The following CHSY3 variants were observed in gnomAD, a reference collection of about 807,000 sequenced individuals.
CHSY3 encodes chondroitin sulfate synthase 3, also known as N-acetylgalactosaminyl-proteoglycan 3-beta-glucuronosyltransferase 3.
A neutral mutation model predicts 67.2 loss-of-function variants in CHSY3; 35 were observed. That is an observed-to-expected ratio of 0.52 (90% confidence interval 0.40 to 0.69). The LOEUF is 0.69. Ranked by LOEUF, CHSY3 falls within the 30% of genes least tolerant of loss-of-function variation. The pLI, the probability that CHSY3 is intolerant of heterozygous loss-of-function variation, is 0.00. For synonymous variants in CHSY3, 474 were observed against 434.7 expected, an observed-to-expected ratio of 1.09 and a Z score of -1.12; for missense variants, 1,069 against 1,138.5, an observed-to-expected ratio of 0.94 and a Z score of 0.88.
intron 2 of CHSY3, among the ~76,000 whole-genome samples, chr5:130,085,674 CT>C (rs577165645): frequency 0.029 from 4,408 of 152,078 alleles, 98 homozygotes; most frequent in Non-Finnish European, 0.042. Flanking sequence ...TTTGCTCTTG[CT>C]TTTCTAGTGC....
At chr5:130,168,976 G>T (rs1769824680) in intron 2 of CHSY3, among the ~76,000 whole-genome samples, 2 of 152,062 alleles carry the variant, frequency 1.3e-5, no homozygotes, top group African/African-American at 4.8e-5. Context: ...GGAAATATTT[G>T]TAAATGAATG....
intron 2 of CHSY3, among the ~76,000 whole-genome samples, chr5:129,944,414 G>T (rs1469898997): frequency 2.0e-5 from 3 of 151,786 alleles, no homozygotes; most frequent in Non-Finnish European, 2.9e-5. Context: ...TTTTGAGTTG[G>T]AGTTTCGCTC....
chr5:130,013,419 G>A (rs1764124068), intron 2 of CHSY3, among the ~76,000 whole-genome samples: 1 of 152,186 alleles, frequency 6.6e-6, no homozygotes, highest in Admixed American at 6.5e-5. Context: ...GATTCTCCAT[G>A]AGGGCTCTGC....
At position 129,905,804 on chromosome 5, in the gene CHSY3, C is replaced by G. The variant is rs1311671912; in HGVS notation, c.802+173C>G. On this transcript the variant is annotated intron_variant, in intron 1 of 2. Transcript: ENST00000305031. ...CTTGCATCCGCCCACAATTCGTAGC[C>G]CGTTCCTCGTCTTCTGCAATCTGGA... 4 of 1,360,952 alleles carry G rather than the reference C, an allele frequency of 2.9e-6. No homozygotes were observed. The African/African-American group carries it at 4.4e-5, about 15-fold the overall frequency. The allele number at this position is 1,360,952 out of a possible 1,614,324, so 84.3% of individuals were successfully genotyped here.
At chr5:129,925,489 GT>G (rs1761072858) in intron 2 of CHSY3, among the ~76,000 whole-genome samples, 1 of 152,044 alleles carries the variant, frequency 6.6e-6, no homozygotes, top group South Asian at 2.1e-4. Flanking sequence ...GTACAACGTG[GT>G]TTTGATATAT....
chr5:130,012,462 A>C (rs1363131298), intron 2 of CHSY3, among the ~76,000 whole-genome samples: 1 of 152,152 alleles, frequency 6.6e-6, no homozygotes, highest in Non-Finnish European at 1.5e-5. Context: ...ACTGTGACTT[A>C]GACTAGGTAA....
intron 2 of CHSY3, among the ~76,000 whole-genome samples, chr5:129,959,790 C>T (rs75868678): frequency 0.015 from 2,262 of 152,030 alleles, 49 homozygotes; most frequent in African/African-American, 0.051. Flanking sequence ...TTTGCATGTT[C>T]ATTTTGTTAC....
At chr5:130,141,606 T>C in intron 2 of CHSY3, 1 of 506,742 alleles carries the variant, frequency 2.0e-6, no homozygotes, top group Non-Finnish European at 3.9e-6. Flanking sequence ...GAGCTGAAGA[T>C]GAGAAGCAGA....
intron 2 of CHSY3, among the ~76,000 whole-genome samples, chr5:130,155,562 C>G (rs947798944): frequency 3.3e-5 from 5 of 152,194 alleles, no homozygotes; most frequent in African/African-American, 1.2e-4. Flanking sequence ...TTGCATATCC[C>G]TATCCTCTAA....
chr5:130,133,307 A>G (rs1314153625), intron 2 of CHSY3, among the ~76,000 whole-genome samples: 1 of 152,130 alleles, frequency 6.6e-6, no homozygotes, highest in African/African-American at 2.4e-5. Context: ...TCTCCTAGTC[A>G]GACTTGGAAT....
At chr5:129,952,212 G>C (rs1441361872) in intron 2 of CHSY3, among the ~76,000 whole-genome samples, 1 of 152,138 alleles carries the variant, frequency 6.6e-6, no homozygotes, top group Non-Finnish European at 1.5e-5. Flanking sequence ...GTAGCTCTTA[G>C]AGCAATAAGC....
intron 2 of CHSY3, among the ~76,000 whole-genome samples, chr5:130,019,584 T>A (rs1363594511): frequency 1.3e-5 from 2 of 152,222 alleles, no homozygotes; most frequent in East Asian, 1.9e-4. Context: ...CTAATTAGTC[T>A]GCTATGTTTA....
rs561989815 is a variant in CHSY3, at chr5:130,174,329, CAA to C, written c.1087-9897_1087-9896del. 1.4e-3 allele frequency among the ~76,000 whole-genome samples: 217 copies of C among 151,176 alleles called. 1 individual carries two copies. The highest frequency in any genetic ancestry group is 4.5e-3 in the African/African-American group (184 of 41,296). ...AAAAAAAGTAGTAGCATAATGAAAA[CAA>C]AATAACTTTCAGATTGAAGTAACTT... On this transcript the variant is annotated intron_variant, in intron 2 of 2. Transcript: ENST00000305031.
chr5:130,083,140 C>A (rs2149687612), intron 2 of CHSY3, among the ~76,000 whole-genome samples: 1 of 152,092 alleles, frequency 6.6e-6, no homozygotes, highest in Middle Eastern at 3.4e-3. Flanking sequence ...ACATACTTTT[C>A]CAAGACCTGA....
intron 2 of CHSY3, among the ~76,000 whole-genome samples, chr5:129,946,386 T>C (rs1178151529): frequency 2.0e-5 from 3 of 152,158 alleles, no homozygotes. Context: ...TATTAGAAAG[T>C]TTAAAAAGTA....
intron 2 of CHSY3, among the ~76,000 whole-genome samples, chr5:130,135,511 A>G (rs1768632908): frequency 6.6e-6 from 1 of 152,110 alleles, no homozygotes; most frequent in Non-Finnish European, 1.5e-5. Context: ...TTATATTTTC[A>G]TTTGTTTAAT....
At chr5:129,991,083 T>C (rs577383806) in intron 2 of CHSY3, among the ~76,000 whole-genome samples, 6 of 152,110 alleles carry the variant, frequency 3.9e-5, no homozygotes, top group Admixed American at 1.3e-4. Context: ...CTGAGTAAAA[T>C]GAGAAGGGGT....
chr5:129,930,222 A>T (rs1328436624), intron 2 of CHSY3, among the ~76,000 whole-genome samples: 1 of 151,622 alleles, frequency 6.6e-6, no homozygotes, highest in East Asian at 1.9e-4. Context: ...AATCCCAGCT[A>T]CTCAGGAGGT....
intron 2 of CHSY3, among the ~76,000 whole-genome samples, chr5:130,161,825 G>C (rs756295276): frequency 6.6e-6 from 1 of 152,048 alleles, no homozygotes; most frequent in Non-Finnish European, 1.5e-5. Flanking sequence ...GATTGCTTGA[G>C]TCCAAGAGTT....
Sources: gnomAD v4.1 joint callset for allele counts (sites outside exome capture counted in the v4.1 genomes callset) on GRCh38, gnomAD v4.1.1 for gene constraint, MANE v1.5 for transcripts, NCBI Gene and HGNC (gene_info 2026-07-23, HGNC 2026-07-21) for gene names.